Variants in UGT1A9 observed in about 807,000 individuals in gnomAD.
UGT1A9 encodes UDP-glucuronosyltransferase 1A9.
Under a neutral mutation model 45.0 loss-of-function variants are expected in UGT1A9, and 35 were observed. The ratio of observed to expected loss-of-function variants is 0.78; its 90% CI spans 0.59 to 1.03. The LOEUF is 1.03. Among genes scored for constraint, UGT1A9 ranks in the 50% least tolerant of loss-of-function variants. UGT1A9 has a pLI of 0.00. For synonymous variants in UGT1A9, 278 were observed against 250.6 expected, an observed-to-expected ratio of 1.11 and a Z score of -1.03; for missense variants, 687 against 666.6, an observed-to-expected ratio of 1.03 and a Z score of -0.34.
chr2:233,768,794 G>C (rs1447773393), intron 4 of UGT1A9, among the ~76,000 whole-genome samples: 4 of 151,952 alleles, frequency 2.6e-5, no homozygotes, highest in African/African-American at 7.2e-5. Flanking sequence ...ATGTTTGTCA[G>C]GCTGGTCTTG....
At chr2:233,673,849 A>G (rs2074266890) in intron 1 of UGT1A9, among the ~76,000 whole-genome samples, 1 of 152,212 alleles carries the variant, frequency 6.6e-6, no homozygotes, top group African/African-American at 2.4e-5. Context: ...TGTACAATAT[A>G]CAATGTCAAC....
At chr2:233,743,979 A>G (rs1692622611) in intron 1 of UGT1A9, 33 of 1,306,002 alleles carry the variant, frequency 2.5e-5, no homozygotes, top group South Asian at 6.3e-5. Context: ...GCCAGCACCC[A>G]GGCGCAGGCC....
intron 1 of UGT1A9, among the ~76,000 whole-genome samples, chr2:233,705,254 C>G (rs2075836085): frequency 6.6e-6 from 1 of 151,940 alleles, no homozygotes; most frequent in African/African-American, 2.4e-5. Context: ...TCAGATTATT[C>G]TATGGGGTCA....
At position 233,734,054 on chromosome 2, in the gene UGT1A9, T is replaced by C. The variant is rs2078472293; in HGVS notation, c.856-32980T>C. Among the ~76,000 whole-genome samples the C allele has an allele frequency of 9.9e-5, 15 of 152,222 alleles. No homozygotes were observed. The South Asian group carries it at 3.1e-3, about 32-fold the overall frequency. The stretch of plus-strand genomic sequence containing the variant: ...CACACCAACATGGCACATGTATACA[T>C]ATGTAACAAACCTGCACATTGTGCA... On this transcript the variant is annotated intron_variant, in intron 1 of 4. Transcript: ENST00000354728.
intron 1 of UGT1A9, among the ~76,000 whole-genome samples, chr2:233,744,814 C>G (rs571865422): frequency 1.3e-5 from 2 of 151,886 alleles, no homozygotes; most frequent in Non-Finnish European, 2.9e-5. Flanking sequence ...GATTTCCTGG[C>G]TCATACTTTG....
chr2:233,766,265 G>A (rs1699086397), intron 1 of UGT1A9, among the ~76,000 whole-genome samples: 1 of 67,776 alleles, frequency 1.5e-5, no homozygotes, highest in Admixed American at 1.4e-4. Flanking sequence ...TCAGTGGCCC[G>A]GGCTCGGTGG....
intron 1 of UGT1A9, among the ~76,000 whole-genome samples, chr2:233,726,317 A>G (rs1017068137): frequency 1.3e-5 from 2 of 152,230 alleles, no homozygotes; most frequent in African/African-American, 4.8e-5. Context: ...CATTGAGCTC[A>G]GGAGTTTCAG....
intron 1 of UGT1A9, among the ~76,000 whole-genome samples, chr2:233,730,325 C>G (rs532901219): frequency 2.0e-5 from 3 of 152,132 alleles, no homozygotes; most frequent in Non-Finnish European, 4.4e-5. Flanking sequence ...AACAGGGACA[C>G]TACGTTTGGA....
At chr2:233,761,722 G>C (rs1220395060) in intron 1 of UGT1A9, among the ~76,000 whole-genome samples, 1 of 152,224 alleles carries the variant, frequency 6.6e-6, no homozygotes, top group African/African-American at 2.4e-5. Context: ...CAAGCTATTA[G>C]GTTTATTTTT....
rs1187391866 is a variant in UGT1A9 at position 233,724,541 on chromosome 2, C to T, written c.856-42493C>T. Among the ~76,000 whole-genome samples the T allele has an allele frequency of 2.0e-4, 24 of 122,440 alleles. 1 individual carries two copies. Among genetic ancestry groups the T allele is most frequent in the Admixed American group, 1.0e-3 (13 of 12,646 alleles). 80.3% of individuals were successfully genotyped at this position (122,440 alleles called of 152,430 possible). On this transcript the variant is annotated intron_variant, in intron 1 of 4. Transcript: ENST00000354728. ...CAGATGGGGTCTCGCCGGGCAGAGG[C>T]GCTCCTCACATCCCAGATGGGGCGG... is the stretch of plus-strand genomic sequence containing the variant.
chr2:233,705,322 A>C (rs144397415), intron 1 of UGT1A9, among the ~76,000 whole-genome samples: 9 of 152,304 alleles, frequency 5.9e-5, no homozygotes, highest in South Asian at 2.1e-4. Flanking sequence ...GTTTTTCAGC[A>C]ACACATTCTC....
chr2:233,712,012 T>G (rs2076210233), intron 1 of UGT1A9, among the ~76,000 whole-genome samples: 1 of 152,224 alleles, frequency 6.6e-6, no homozygotes, highest in Non-Finnish European at 1.5e-5. Flanking sequence ...GGAACCATTC[T>G]TATCAGAACT....
At chr2:233,694,209 T>C (rs2075205293) in intron 1 of UGT1A9, among the ~76,000 whole-genome samples, 1 of 152,148 alleles carries the variant, frequency 6.6e-6, no homozygotes. Flanking sequence ...AAAATCCATT[T>C]TCCCAACTCT....
chr2:233,762,966 C>T (rs947524337), intron 1 of UGT1A9, among the ~76,000 whole-genome samples: 7 of 152,068 alleles, frequency 4.6e-5, no homozygotes, highest in African/African-American at 1.2e-4. Context: ...GAAAGATGCC[C>T]GTCTTGCTGC....
In UGT1A9 at chr2:233,676,479, C is replaced by T. The variant is rs34707303; in HGVS notation, c.855+3690C>T. 8.8e-3 allele frequency among the ~76,000 whole-genome samples: 1,340 copies of T among 152,296 alleles called. 16 individuals are homozygous for T. Among genetic ancestry groups the T allele is most frequent in the Middle Eastern group, 0.024 (7 of 294 alleles). The stretch of plus-strand genomic sequence containing the variant: ...ATCACAACTCATTCACCAATATTGA[C>T]GCATAATGATGAGCTAAAAGCTAAA... On this transcript the variant is annotated intron_variant, in intron 1 of 4. Coordinates refer to ENST00000354728, the MANE Select transcript of UGT1A9 (RefSeq NM_021027.3).
At chr2:233,719,012 G>T (rs763830494) in intron 1 of UGT1A9, 1 of 1,614,092 alleles carries the variant, frequency 6.2e-7, no homozygotes, top group African/African-American at 1.3e-5. Flanking sequence ...TCACCCCAGA[G>T]GTGAATATGC....
chr2:233,725,035 A>C lies in UGT1A9; in HGVS notation c.856-41999A>C, dbSNP rs1161342472. 1.1e-4 allele frequency among the ~76,000 whole-genome samples: 17 copies of C among 148,286 alleles called. 1 individual carries two copies. The highest frequency in any genetic ancestry group is 4.0e-4 in the African/African-American group (16 of 39,830). On this transcript the variant is annotated intron_variant, in intron 1 of 4. Transcript: ENST00000354728. ...AAACAGCAAAACCCGGTCTCCACCA[A>C]AACCAGTCAGGCGTGGCGGCGCGCG... is the stretch of plus-strand genomic sequence containing the variant.
At chr2:233,715,366 T>G (rs560578565) in intron 1 of UGT1A9, among the ~76,000 whole-genome samples, 1 of 150,042 alleles carries the variant, frequency 6.7e-6, no homozygotes, top group East Asian at 2.0e-4. Flanking sequence ...AGACTTATAT[T>G]TTCTTCACAG....
In UGT1A9 at chr2:233,690,489, C is replaced by T. The variant is rs542201347; in HGVS notation, c.855+17700C>T. On this transcript the variant is annotated intron_variant, in intron 1 of 4. Transcript: ENST00000354728. ...CTCCATTTACTTTTTGGGAAATCTG[C>T]TCTTGCCAACAGAGATTTGTTTTAT... The T allele has an allele frequency of 2.1e-4, 272 of 1,289,698 alleles. 1 individual carries two copies. In the Admixed American group the frequency reaches 5.5e-3, roughly 26 times the overall value. The allele number at this position is 1,289,698 out of a possible 1,614,324, so 79.9% of individuals were successfully genotyped here.
Sources: gnomAD v4.1 joint callset for allele counts (sites outside exome capture counted in the v4.1 genomes callset) on GRCh38, gnomAD v4.1.1 for gene constraint, MANE v1.5 for transcripts, NCBI Gene and HGNC (gene_info 2026-07-23, HGNC 2026-07-21) for gene names.